The following PDE4D variants were observed in gnomAD, a reference collection of about 807,000 sequenced individuals.
PDE4D encodes phosphodiesterase 4D.
A neutral mutation model predicts 87.4 loss-of-function variants in PDE4D; 24 were observed. The observed-to-expected ratio is 0.27, with a 90% CI of 0.20 to 0.39. PDE4D has a LOEUF of 0.39. Among genes scored for constraint, PDE4D ranks in the 10% least tolerant of loss-of-function variants. PDE4D has a pLI of 1.00. For synonymous variants in PDE4D, 384 were observed against 383.2 expected (o/e 1.00, Z -0.02); for missense variants, 714 against 1,041.0 (o/e 0.69, Z 4.32).
intron 5 of PDE4D, among the ~76,000 whole-genome samples, chr5:59,150,211 A>G (rs995470736): frequency 6.6e-6 from 1 of 152,166 alleles, no homozygotes; most frequent in Non-Finnish European, 1.5e-5. Flanking sequence ...AAGAGAAGCC[A>G]GTACTTGCCT....
intron 2 of PDE4D, among the ~76,000 whole-genome samples, chr5:60,003,564 G>A (rs1385528439): frequency 1.3e-5 from 2 of 152,012 alleles, no homozygotes; most frequent in South Asian, 4.2e-4. Flanking sequence ...ACAAAAATTA[G>A]CCGAACGTGG....
chr5:60,147,858 T>C (rs1056562803), intron 2 of PDE4D: 3 of 450,084 alleles, frequency 6.7e-6, no homozygotes, highest in Admixed American at 2.4e-5. Context: ...AGTTGACAGC[T>C]AGCTGCCTCC....
intron 1 of PDE4D, among the ~76,000 whole-genome samples, chr5:59,473,430 T>C (rs1382420164): frequency 6.6e-6 from 1 of 152,124 alleles, no homozygotes; most frequent in East Asian, 1.9e-4. Context: ...CTTAATTATG[T>C]CATTTAGAAG....
intron 1 of PDE4D, among the ~76,000 whole-genome samples, chr5:59,642,889 TCTTG>T: frequency 6.6e-6 from 1 of 152,276 alleles, no homozygotes; most frequent in Non-Finnish European, 1.5e-5. Context: ...TCTAATAAAC[TCTTG>T]TTTAGGTAAA....
At chr5:60,426,593 A>T (rs1452651869) in intron 1 of PDE4D, among the ~76,000 whole-genome samples, 1 of 152,180 alleles carries the variant, frequency 6.6e-6, no homozygotes, top group African/African-American at 2.4e-5. Flanking sequence ...TGATGAGTTG[A>T]TGGGTGAAGC....
At chr5:60,048,985 C>T (rs1043848778) in intron 2 of PDE4D, among the ~76,000 whole-genome samples, 76 of 152,292 alleles carry the variant, frequency 5.0e-4, no homozygotes, top group Non-Finnish European at 8.2e-4. Flanking sequence ...CCATTCTCCC[C>T]GTCACTTTCA....
Position 60,257,225 on chromosome 5 carries a change from AAAG to A in PDE4D, c.-89-71541_-89-71539del, listed in dbSNP as rs1338548538. On this transcript the variant is annotated intron_variant, in intron 1 of 16. Transcript: ENST00000502484. Reference sequence around the variant, plus strand: ...AAGAATGAATGAAAGAAAGAAAGAGAAAGAAAGAAAGAAAGAAAGAAAGAAAGA... The same window carrying A: ...AAGAATGAATGAAAGAAAGAAAGAGAAAAGAAAGAAAGAAAGAAAGAAAGA... 5.4e-3 allele frequency among the ~76,000 whole-genome samples: 43 copies of A among 8,000 alleles called. No individual in the cohort carries two copies. In the East Asian group the frequency reaches 0.12, roughly 23 times the overall value. The allele number at this position is 8,000 out of a possible 152,430, so 5.2% of individuals were successfully genotyped here.
rs544572593 is a variant in PDE4D at position 59,183,866 on chromosome 5, A to G, written c.758+1323T>C. Among the ~76,000 whole-genome samples, 11 of 152,322 alleles carry G rather than the reference A, an allele frequency of 7.2e-5. No homozygotes were observed. In the South Asian group the frequency reaches 2.3e-3, roughly 32 times the overall value. On this transcript the variant is annotated intron_variant, in intron 4 of 14. Coordinates refer to ENST00000340635, the MANE Select transcript of PDE4D (RefSeq NM_001104631.2). ...CTGCATTATGCTAGGCACAGGGAAT[A>G]CAAATGTGAACCGACTACATTCCTA...
intron 1 of PDE4D, among the ~76,000 whole-genome samples, chr5:59,369,635 G>A (rs1460418126): frequency 6.6e-6 from 1 of 152,148 alleles, no homozygotes; most frequent in Non-Finnish European, 1.5e-5. Flanking sequence ...ACTGGAGAAT[G>A]TGGAACCTGG....
chr5:59,024,149 C>T (rs1451567259), intron 6 of PDE4D, among the ~76,000 whole-genome samples: 2 of 151,000 alleles, frequency 1.3e-5, no homozygotes, highest in African/African-American at 4.9e-5. Flanking sequence ...TGATCGACCT[C>T]CCAAAGTGCT....
intron 2 of PDE4D, among the ~76,000 whole-genome samples, chr5:59,203,252 T>C (rs770799526): frequency 6.6e-6 from 1 of 151,472 alleles, no homozygotes; most frequent in Non-Finnish European, 1.5e-5. Context: ...TCAACATCAC[T>C]AATCTTAAGT....
chr5:59,757,317 C>T (rs922539922), intron 1 of PDE4D, among the ~76,000 whole-genome samples: 1 of 152,178 alleles, frequency 6.6e-6, no homozygotes, highest in African/African-American at 2.4e-5. Context: ...AATGTTTCCA[C>T]TTTGTTTGCT....
intron 3 of PDE4D, among the ~76,000 whole-genome samples, chr5:59,916,692 T>A (rs1006278421): frequency 6.6e-6 from 1 of 152,336 alleles, no homozygotes; most frequent in East Asian, 1.9e-4. Flanking sequence ...TAAGAGATGG[T>A]TCTAGATATT....
At chr5:60,436,946 G>A (rs1561255700) in intron 1 of PDE4D, among the ~76,000 whole-genome samples, 2 of 152,044 alleles carry the variant, frequency 1.3e-5, no homozygotes, top group African/African-American at 2.4e-5. Flanking sequence ...ATTGTACAGA[G>A]AATAGACTAT....
intron 5 of PDE4D, among the ~76,000 whole-genome samples, chr5:59,087,657 T>A (rs1299121173): frequency 6.6e-6 from 1 of 152,174 alleles, no homozygotes; most frequent in East Asian, 1.9e-4. Flanking sequence ...TTTAGCATAA[T>A]ATCTAACATT....
intron 2 of PDE4D, among the ~76,000 whole-genome samples, chr5:60,035,465 T>A (rs1229539574): frequency 6.6e-6 from 1 of 152,180 alleles, no homozygotes; most frequent in African/African-American, 2.4e-5. Flanking sequence ...CATGTTCACA[T>A]GGCGAGTCAC....
chr5:58,994,145 T>C (rs1352456260), intron 6 of PDE4D, among the ~76,000 whole-genome samples: 1 of 152,228 alleles, frequency 6.6e-6, no homozygotes, highest in Non-Finnish European at 1.5e-5. Flanking sequence ...ATAACACTTA[T>C]TGTTTCTCAA....
Position 59,215,862 on chromosome 5 carries a change from G to T in PDE4D, c.562C>A (p.Arg188=). 1 of 1,613,598 alleles carries T rather than the reference G, an allele frequency of 6.2e-7. No individual in the cohort carries two copies. The highest frequency in any genetic ancestry group is 8.5e-7 in the Non-Finnish European group (1 of 1,179,622). ...TCGGATCGATACAGGAAGGACTCCC[G>T]TCGTTGACTGTGGACAAAATTTGCT... The part of the protein sequence containing the change: ...LQANFVHSQR[R]ESFLYRSDSD... Residue 188 remains arginine, a synonymous_variant, in exon 2 of 15, where the codon CGG becomes AGG. Coordinates refer to ENST00000340635, the MANE Select transcript of PDE4D (RefSeq NM_001104631.2).
chr5:60,326,544 A>G (rs187010749), intron 1 of PDE4D, among the ~76,000 whole-genome samples: 16 of 152,282 alleles, frequency 1.1e-4, no homozygotes, highest in African/African-American at 3.8e-4. Context: ...TTAAGAATTA[A>G]GTAAGGATGA....
Sources: allele counts gnomAD v4.1 joint callset (sites outside exome capture counted in the v4.1 genomes callset), GRCh38; gene constraint gnomAD v4.1.1; transcripts MANE v1.5; gene names NCBI Gene and HGNC (gene_info 2026-07-23, HGNC 2026-07-21).